Variants in ENOX1 observed in about 807,000 individuals in gnomAD.
The protein encoded by ENOX1 is ecto-NOX disulfide-thiol exchanger 1, also known as candidate growth-related and time keeping constitutive hydroquinone (NADH) oxidase.
Under a neutral mutation model 82.5 loss-of-function variants are expected in ENOX1, and 42 were observed. That is an observed-to-expected ratio of 0.51 (90% CI 0.40 to 0.66). ENOX1 has a LOEUF of 0.66. ENOX1 is among the 30% of genes least tolerant of loss of function. ENOX1 has a pLI of 0.00. For missense variants in ENOX1, 608 were observed against 811.6 expected (o/e 0.75, Z 3.05); for synonymous variants, 271 against 282.2 (o/e 0.96, Z 0.40).
At position 43,228,936 on chromosome 13, in the gene ENOX1, C is replaced by T. The variant is rs575353682; in HGVS notation, c.1715-4798G>A. ...TGCTGGAACGCTACCTTACACAAAG[C>T]GATTGATGTGGTTTGGCTATGTCCC... On this transcript the variant is annotated intron_variant, in intron 15 of 16. Coordinates refer to ENST00000690772, the MANE Select transcript of ENOX1 (RefSeq NM_001347969.2). 2.0e-4 allele frequency among the ~76,000 whole-genome samples: 30 copies of T among 152,290 alleles called. 1 individual carries two copies. Among genetic ancestry groups the T allele is most frequent in the Non-Finnish European group, 4.0e-4 (27 of 68,018 alleles).
At chr13:43,523,862 A>T (rs774518666) in intron 2 of ENOX1, among the ~76,000 whole-genome samples, 1 of 152,112 alleles carries the variant, frequency 6.6e-6, no homozygotes, top group African/African-American at 2.4e-5. Flanking sequence ...CAATCACCAG[A>T]TTCTCCCTGA....
chr13:43,532,244 A>G (rs2078262434), intron 2 of ENOX1, among the ~76,000 whole-genome samples: 1 of 152,082 alleles, frequency 6.6e-6, no homozygotes. Context: ...TTTATTATTC[A>G]TATTTTTAAT....
At chr13:43,250,356 T>C (rs2153469486) in intron 14 of ENOX1, among the ~76,000 whole-genome samples, 1 of 152,316 alleles carries the variant, frequency 6.6e-6, no homozygotes, top group African/African-American at 2.4e-5. Flanking sequence ...TTCAGTTGTG[T>C]GCCCTCTCTT....
intron 1 of ENOX1, among the ~76,000 whole-genome samples, chr13:43,720,972 C>T (rs988901341): frequency 6.6e-6 from 1 of 152,190 alleles, no homozygotes; most frequent in African/African-American, 2.4e-5. Context: ...TAGTAGTCAA[C>T]CACTTGCTGG....
At chr13:43,760,212 C>T (rs1051554277) in intron 1 of ENOX1, among the ~76,000 whole-genome samples, 2 of 151,394 alleles carry the variant, frequency 1.3e-5, no homozygotes, top group Admixed American at 6.5e-5. Context: ...TCTAAGTGCA[C>T]TTTGTAGAAG....
chr13:43,247,009 A>G (rs1244240583), intron 14 of ENOX1, among the ~76,000 whole-genome samples: 1 of 152,186 alleles, frequency 6.6e-6, no homozygotes. Context: ...CCAGAATCAG[A>G]GATCACGAAG....
At chr13:43,671,145 C>T (rs2085248097) in intron 1 of ENOX1, among the ~76,000 whole-genome samples, 1 of 152,150 alleles carries the variant, frequency 6.6e-6, no homozygotes, top group African/African-American at 2.4e-5. Context: ...CTCTCTCTCT[C>T]GCCTGCTGCC....
At chr13:43,546,509 C>G (rs1196345992) in intron 2 of ENOX1, 2 of 152,196 alleles carry the variant, frequency 1.3e-5, no homozygotes, top group Admixed American at 1.3e-4. Flanking sequence ...CTATGTCACT[C>G]TAACTGTAAA....
At chr13:43,618,383 G>A (rs1361728052) in intron 2 of ENOX1, among the ~76,000 whole-genome samples, 1 of 152,128 alleles carries the variant, frequency 6.6e-6, no homozygotes, top group African/African-American at 2.4e-5. Flanking sequence ...TCAGGTATCA[G>A]GTTTAAGTCC....
chr13:43,498,547 G>A (rs1223493286), intron 2 of ENOX1, among the ~76,000 whole-genome samples: 1 of 151,916 alleles, frequency 6.6e-6, no homozygotes, highest in African/African-American at 2.4e-5. Flanking sequence ...TGATCCATGA[G>A]TTCATAATAT....
intron 16 of ENOX1, among the ~76,000 whole-genome samples, chr13:43,215,726 G>C (rs1035597615): frequency 7.9e-5 from 12 of 152,074 alleles, no homozygotes; most frequent in Non-Finnish European, 1.8e-4. Flanking sequence ...ACAACCAGGG[G>C]TGCTGGGAGG....
chr13:43,725,198 C>T (rs190994424), intron 1 of ENOX1, among the ~76,000 whole-genome samples: 164 of 152,236 alleles, frequency 1.1e-3, no homozygotes, highest in African/African-American at 3.9e-3. Context: ...AGGGTAGAAT[C>T]ATTTTACTTT....
chr13:43,362,318 G>T (rs112499716), intron 5 of ENOX1, among the ~76,000 whole-genome samples: 1,577 of 152,040 alleles, frequency 0.01, 21 homozygotes, highest in Middle Eastern at 0.058. Context: ...AACAGCAGGG[G>T]CTATGAAAAT....
At chr13:43,315,609 C>T (rs761855048) in intron 11 of ENOX1, among the ~76,000 whole-genome samples, 7 of 152,132 alleles carry the variant, frequency 4.6e-5, no homozygotes, top group Non-Finnish European at 8.8e-5. Context: ...TTTGCTCAAA[C>T]GCAAGCTGAA....
At chr13:43,662,054 T>C (rs111919679) in intron 2 of ENOX1, among the ~76,000 whole-genome samples, 5 of 152,264 alleles carry the variant, frequency 3.3e-5, no homozygotes, top group South Asian at 4.1e-4. Context: ...TCTGTGCACA[T>C]AGTCCTATCG....
chr13:43,376,287 A>G lies in ENOX1; in HGVS notation c.209-14835T>C, dbSNP rs553880858. On this transcript the variant is annotated intron_variant, in intron 5 of 16. Transcript: ENST00000690772. ...TCATTTCAGCATAAAGCTTTTGTTAAACAGAGCTAAGTTAAACTGAACTAA... is the reference window on the plus strand; with the variant it reads ...TCATTTCAGCATAAAGCTTTTGTTAGACAGAGCTAAGTTAAACTGAACTAA... Among the ~76,000 whole-genome samples, 6 of 152,342 alleles carry G rather than the reference A, an allele frequency of 3.9e-5. No homozygotes were observed. The South Asian group carries it at 1.2e-3, about 32-fold the overall frequency.
Position 43,594,864 on chromosome 13 carries a change from G to A in ENOX1, c.-219+72615C>T, listed in dbSNP as rs78578990. On this transcript the variant is annotated intron_variant, in intron 2 of 16. Transcript: ENST00000690772. ...TTCCTTCAAGAGACTCTGCTGCAAG[G>A]AGCATGGGTGATGAACAGCCTCCAG... 4.6e-3 allele frequency among the ~76,000 whole-genome samples: 699 copies of A among 152,158 alleles called. 2 individuals are homozygous for A. The highest frequency in any genetic ancestry group is 0.016 in the African/African-American group (673 of 41,516).
At chr13:43,759,850 C>G (rs1950868952) in intron 1 of ENOX1, among the ~76,000 whole-genome samples, 1 of 152,172 alleles carries the variant, frequency 6.6e-6, no homozygotes, top group African/African-American at 2.4e-5. Flanking sequence ...ACCCACCCAT[C>G]CATTCATTTA....
intron 2 of ENOX1, among the ~76,000 whole-genome samples, chr13:43,620,729 G>A (rs980557032): frequency 7.9e-5 from 12 of 152,066 alleles, no homozygotes; most frequent in South Asian, 2.1e-4. Context: ...TGCGGTTGTC[G>A]GATGAACTTT....
Sources: gnomAD v4.1 joint callset for allele counts (sites outside exome capture counted in the v4.1 genomes callset) on GRCh38, gnomAD v4.1.1 for gene constraint, MANE v1.5 for transcripts, NCBI Gene and HGNC (gene_info 2026-07-23, HGNC 2026-07-21) for gene names.